The following ALDH8A1 variants were observed in gnomAD, a reference collection of about 807,000 sequenced individuals.
The protein encoded by ALDH8A1 is aldehyde dehydrogenase 8 family member A1, also known as 2-aminomuconic semialdehyde dehydrogenase.
In ALDH8A1, 39 loss-of-function variants were observed where a neutral mutation model predicts 43.3. That is an observed-to-expected ratio of 0.90 (90% confidence interval 0.70 to 1.18). The LOEUF (loss-of-function observed/expected upper bound fraction) is 1.18, where lower values mean the gene tolerates loss of function less well. Among genes scored for constraint, ALDH8A1 ranks in the 50% most tolerant of loss-of-function variants. The pLI is 0.00. For synonymous variants in ALDH8A1, 233 were observed against 243.5 expected (o/e 0.96, Z 0.40); for missense variants, 605 against 622.6 (o/e 0.97, Z 0.30).
chr6:134,923,650 C>T (rs2114679151), intron 6 of ALDH8A1, among the ~76,000 whole-genome samples: 1 of 152,236 alleles, frequency 6.6e-6, no homozygotes. Context: ...GAAGCTGGCA[C>T]CATGTCTAGG....
At position 134,918,453 on chromosome 6, in the gene ALDH8A1, A is replaced by C. The variant is rs1029057082; in HGVS notation, c.1426T>G (p.Phe476Val). 5 of 1,614,056 alleles carry C rather than the reference A, an allele frequency of 3.1e-6. No homozygotes were observed. In the Admixed American group the frequency reaches 6.7e-5, roughly 22 times the overall value. Reference sequence around the variant, plus strand: ...GTGATGGTTTTGATCTCAGTGAAGAAGTCGTAAGAGTCCTTGGCTCCCTCT... The same window carrying C: ...GTGATGGTTTTGATCTCAGTGAAGACGTCGTAAGAGTCCTTGGCTCCCTCT... ...GREGAKDSYD[F>V]FTEIKTITVK... Residue 476 changes from phenylalanine (F) to valine (V), a missense_variant, in exon 7 of 7, where the codon TTC becomes GTC. By Grantham distance (50) the Phe-to-Val change is conservative. Coordinates refer to ENST00000265605, the MANE Select transcript of ALDH8A1 (RefSeq NM_022568.4).
chr6:134,944,943 G>A (rs1773926397), intron 1 of ALDH8A1, among the ~76,000 whole-genome samples: 1 of 147,990 alleles, frequency 6.8e-6, no homozygotes. Context: ...TATATAGTAT[G>A]TATATATTAT....
chr6:134,942,115 G>C (rs918861663), intron 3 of ALDH8A1: 2 of 192,530 alleles, frequency 1.0e-5, no homozygotes, highest in Non-Finnish European at 2.1e-5. Flanking sequence ...AGGTACTCAG[G>C]AGGCTGAGAC....
intron 6 of ALDH8A1, among the ~76,000 whole-genome samples, chr6:134,922,197 C>G (rs1776813670): frequency 2.0e-5 from 3 of 152,108 alleles, no homozygotes; most frequent in Non-Finnish European, 4.4e-5. Context: ...GTGGGCAGAG[C>G]TGAGAGGAGT....
At chr6:134,947,978 T>C (rs1332449380) in intron 1 of ALDH8A1, among the ~76,000 whole-genome samples, 1 of 152,120 alleles carries the variant, frequency 6.6e-6, no homozygotes, top group Non-Finnish European at 1.5e-5. Context: ...CTATTTACAA[T>C]AGTCAAGATA....
At chr6:134,933,865 C>T (rs964588230) in intron 4 of ALDH8A1, among the ~76,000 whole-genome samples, 2 of 152,088 alleles carry the variant, frequency 1.3e-5, no homozygotes, top group Non-Finnish European at 2.9e-5. Context: ...TGCACCATTA[C>T]ACCTGGCTAA....
At chr6:134,931,128 G>A (rs1269714238) in intron 5 of ALDH8A1, among the ~76,000 whole-genome samples, 3 of 152,152 alleles carry the variant, frequency 2.0e-5, no homozygotes, top group African/African-American at 4.8e-5. Flanking sequence ...TTAGTTAGGC[G>A]TATGTCTCTT....
In ALDH8A1 at chr6:134,918,281, G is replaced by T; in HGVS notation, c.*134C>A. 1 of 798,588 alleles carries T rather than the reference G, an allele frequency of 1.3e-6. No individual in the cohort carries two copies. 49.5% of individuals were successfully genotyped at this position (798,588 alleles called of 1,614,324 possible). On this transcript the variant is annotated 3_prime_UTR_variant, in exon 7 of 7. Coordinates refer to ENST00000265605, the MANE Select transcript of ALDH8A1 (RefSeq NM_022568.4). ...CTAGTGGGTAAAGTTACTAAGAACT[G>T]AGGATAAGCTAGAGATAACCTTCTG...
chr6:134,941,132 CTTAT>C (rs1773845509), intron 3 of ALDH8A1, among the ~76,000 whole-genome samples: 1 of 152,156 alleles, frequency 6.6e-6, no homozygotes, highest in South Asian at 2.1e-4. Context: ...TCAGTAGAGG[CTTAT>C]TTATCACACA....
intron 1 of ALDH8A1, among the ~76,000 whole-genome samples, chr6:134,947,771 A>G (rs997874053): frequency 2.6e-5 from 4 of 152,150 alleles, no homozygotes; most frequent in Non-Finnish European, 4.4e-5. Flanking sequence ...TGCAAAAAAA[A>G]AGGGAAGACA....
At chr6:134,932,660 C>A (rs1777004065) in intron 5 of ALDH8A1, 116 bp downstream of exon 5, 2 of 1,426,696 alleles carry the variant, frequency 1.4e-6, no homozygotes, top group Non-Finnish European at 9.5e-7. Flanking sequence ...ACTGATCCTG[C>A]TTTCTCGGAA....
At chr6:134,929,556 T>C (rs1334752406) in intron 5 of ALDH8A1, among the ~76,000 whole-genome samples, 1 of 152,122 alleles carries the variant, frequency 6.6e-6, no homozygotes, top group African/African-American at 2.4e-5. Context: ...GATATTTGCA[T>C]GGAATCTTGA....
Position 134,917,416 on chromosome 6 carries a change from T to C in ALDH8A1, c.*999A>G, listed in dbSNP as rs1336262022. 1 of 152,204 alleles carries C rather than the reference T, an allele frequency of 6.6e-6. No homozygotes were observed. Among genetic ancestry groups the C allele is most frequent in the Non-Finnish European group, 1.5e-5 (1 of 68,036 alleles). The allele number at this position is 152,204 out of a possible 1,614,324, so 9.4% of individuals were successfully genotyped here. A position where few individuals can be genotyped will look rare whatever the true frequency, so the allele number is the denominator to read the frequency against. ...ACTGGTTACTAAAATTGCTTAACAT[T>C]TATTGCTTCTTTTGGGGTTAGCAAG... On this transcript the variant is annotated 3_prime_UTR_variant, in exon 7 of 7. Transcript: ENST00000265605.
intron 4 of ALDH8A1, among the ~76,000 whole-genome samples, chr6:134,935,519 A>G (rs552033299): frequency 6.6e-6 from 1 of 152,304 alleles, no homozygotes; most frequent in East Asian, 1.9e-4. Context: ...AATATCCAAA[A>G]AGAAAGTCAT....
At chr6:134,921,440 A>G (rs905792754) in intron 6 of ALDH8A1, among the ~76,000 whole-genome samples, 1 of 152,220 alleles carries the variant, frequency 6.6e-6, no homozygotes, top group African/African-American at 2.4e-5. Context: ...CCCTGCGAAA[A>G]GGCAAATGGA....
At chr6:134,925,595 CA>C (rs1776869261) in intron 6 of ALDH8A1, among the ~76,000 whole-genome samples, 1 of 152,168 alleles carries the variant, frequency 6.6e-6, no homozygotes, top group Admixed American at 6.5e-5. Flanking sequence ...ATTCACCCAA[CA>C]AATACTATGC....
intron 4 of ALDH8A1, 22 bp from the exon 5 acceptor site, chr6:134,933,054 T>G: frequency 6.6e-7 from 1 of 1,521,916 alleles, no homozygotes; most frequent in Non-Finnish European, 8.8e-7. Flanking sequence ...ACAGTATCAG[T>G]TATAGTAATT....
Position 134,918,613 on chromosome 6 carries a change from G to T in ALDH8A1, c.1266C>A (p.Thr422=). The change falls in exon 7 of 7, where the codon ACC becomes ACA. Residue 422 remains threonine (T), a synonymous_variant. Coordinates refer to ENST00000265605, the MANE Select transcript of ALDH8A1 (RefSeq NM_022568.4). ...ANNVKYGLAA[T]VWSSNVGRVH... ...CGCGCCCCACATTGCTGGACCACAC[G>T]GTAGCCGCCAGCCCATACTTAACGT... 6.2e-7 allele frequency: 1 copy of T among 1,614,150 alleles called. No homozygotes were observed. The highest frequency in any genetic ancestry group is 8.5e-7 in the Non-Finnish European group (1 of 1,180,028).
At chr6:134,944,221 C>T in intron 1 of ALDH8A1, 1 of 374,894 alleles carries the variant, frequency 2.7e-6, no homozygotes. Context: ...GCATGTGCCA[C>T]CATGCCCAGC....
Sources: allele counts gnomAD v4.1 joint callset (sites outside exome capture counted in the v4.1 genomes callset), GRCh38; gene constraint gnomAD v4.1.1; transcripts MANE v1.5; gene names NCBI Gene and HGNC (gene_info 2026-07-23, HGNC 2026-07-21).